The following DCAF6 variants were observed in gnomAD, a reference collection of about 807,000 sequenced individuals.
DCAF6 encodes the protein DDB1 and CUL4 associated factor 6.
Under a neutral mutation model 125.1 loss-of-function variants are expected in DCAF6, and 54 were observed. The ratio of observed to expected loss-of-function variants is 0.43; its 90% confidence interval spans 0.35 to 0.54. DCAF6 has a LOEUF of 0.54. Among genes scored for constraint, DCAF6 ranks in the 20% least tolerant of loss-of-function variants. DCAF6 has a pLI of 0.01. For synonymous variants in DCAF6, 371 were observed against 390.4 expected (o/e 0.95, Z 0.58); for missense variants, 934 against 1,161.7 (o/e 0.80, Z 2.85).
At chr1:167,884,769 C>T in the DCAF6 span, among the ~76,000 whole-genome samples, 65 of 149,474 alleles carry the variant, frequency 4.3e-4, no homozygotes, top group South Asian at 1.3e-3. Flanking sequence ...GCGATCTCGG[C>T]TCACTGCAAC....
At chr1:168,032,262 A>G (rs1307094461) in intron 12 of DCAF6, among the ~76,000 whole-genome samples, 1 of 152,246 alleles carries the variant, frequency 6.6e-6, no homozygotes, top group Admixed American at 6.5e-5. Flanking sequence ...GTAAGCACTC[A>G]ATTTTTAGAA....
the DCAF6 span, among the ~76,000 whole-genome samples, chr1:167,890,912 C>T: frequency 6.6e-6 from 1 of 152,140 alleles, no homozygotes; most frequent in Non-Finnish European, 1.5e-5. Context: ...ACACAATAAA[C>T]TAGAATCCAA....
chr1:167,905,110 A>G, the DCAF6 span: 11 of 1,614,250 alleles, frequency 6.8e-6, no homozygotes, highest in East Asian at 6.7e-5. Context: ...ACTATGGGCC[A>G]GTCCTGGAAT....
the DCAF6 span, chr1:167,880,011 G>A: frequency 2.1e-6 from 2 of 946,522 alleles, no homozygotes; most frequent in Non-Finnish European, 3.4e-6. Flanking sequence ...GTTTCTGAGG[G>A]CAGGGCTCAT....
chr1:167,901,159 CTATAT>C, the DCAF6 span, among the ~76,000 whole-genome samples: 2 of 152,150 alleles, frequency 1.3e-5, no homozygotes, highest in African/African-American at 4.8e-5. Context: ...GTGACTATTA[CTATAT>C]TATATGTATA....
intron 1 of DCAF6, among the ~76,000 whole-genome samples, chr1:167,943,927 C>T (rs574440356): frequency 6.6e-6 from 1 of 151,006 alleles, no homozygotes; most frequent in East Asian, 2.0e-4. Context: ...CAAGTTCCGC[C>T]TCCGAGGTTC....
At chr1:167,920,429 T>C in the DCAF6 span, 1 of 1,038,804 alleles carries the variant, frequency 9.6e-7, no homozygotes, top group Non-Finnish European at 1.4e-6. Flanking sequence ...CATAATACTG[T>C]TAATTCCTTT....
chr1:167,937,577 A>G (rs1458645257), intron 1 of DCAF6, among the ~76,000 whole-genome samples: 9 of 150,936 alleles, frequency 6.0e-5, no homozygotes, highest in Non-Finnish European at 1.3e-4. Flanking sequence ...TCCCAGTTCC[A>G]CTCTGCTCTT....
chr1:168,030,153 T>C (rs1686879631), intron 12 of DCAF6, among the ~76,000 whole-genome samples: 1 of 151,992 alleles, frequency 6.6e-6, no homozygotes, highest in South Asian at 2.1e-4. Context: ...ATGAGTGTTA[T>C]ATAAGAAAGG....
chr1:168,033,347 C>T (rs1051970593), intron 12 of DCAF6, among the ~76,000 whole-genome samples: 7 of 130,186 alleles, frequency 5.4e-5, no homozygotes, highest in East Asian at 2.2e-4. Flanking sequence ...CTCGCTCTGT[C>T]GCCCAGGCCG....
the DCAF6 span, among the ~76,000 whole-genome samples, chr1:167,874,940 A>G: frequency 4.6e-5 from 7 of 152,224 alleles, no homozygotes; most frequent in Admixed American, 2.6e-4. Context: ...AGGGTGTTAG[A>G]AGACTTTGGG....
chr1:167,971,943 C>T (rs1483764579), intron 3 of DCAF6, among the ~76,000 whole-genome samples: 2 of 152,160 alleles, frequency 1.3e-5, no homozygotes, highest in Non-Finnish European at 2.9e-5. Flanking sequence ...GCAACCTCCA[C>T]CTCCCGGGTT....
intron 17 of DCAF6, among the ~76,000 whole-genome samples, chr1:168,053,093 C>G (rs1207369162): frequency 6.6e-6 from 1 of 152,128 alleles, no homozygotes; most frequent in African/African-American, 2.4e-5. Context: ...ACAGAAAAGA[C>G]CTCCTATCAC....
chr1:167,937,097 G>T, intron 1 of DCAF6, 89 bp downstream of exon 1: 1 of 1,184,668 alleles, frequency 8.4e-7, no homozygotes. Context: ...AGGTGGGACG[G>T]CGTCTCGGTG....
At chr1:167,921,476 C>T in the DCAF6 span, among the ~76,000 whole-genome samples, 1 of 152,302 alleles carries the variant, frequency 6.6e-6, no homozygotes, top group East Asian at 1.9e-4. Context: ...CCCGCCTCAA[C>T]CTCCCAAAGT....
intron 4 of DCAF6, among the ~76,000 whole-genome samples, chr1:167,977,321 G>T: frequency 7.0e-6 from 1 of 141,872 alleles, no homozygotes. Flanking sequence ...TGTGAAAAAT[G>T]TCTTTTTTTT....
chr1:167,989,029 G>A (rs1326391210), intron 5 of DCAF6, among the ~76,000 whole-genome samples: 1 of 151,618 alleles, frequency 6.6e-6, no homozygotes, highest in African/African-American at 2.4e-5. Flanking sequence ...GCAGTGAGCC[G>A]AGATCACACC....
intron 5 of DCAF6, among the ~76,000 whole-genome samples, chr1:167,988,203 C>T (rs1680291384): frequency 6.6e-6 from 1 of 152,148 alleles, no homozygotes; most frequent in African/African-American, 2.4e-5. Flanking sequence ...TGTGTCATCT[C>T]AGGCCGGAGT....
At chr1:168,034,230 C>A (rs941600549) in intron 12 of DCAF6, among the ~76,000 whole-genome samples, 6 of 152,078 alleles carry the variant, frequency 3.9e-5, no homozygotes, top group African/African-American at 1.4e-4. Context: ...TAAAAAGAAA[C>A]CTCAGCGGGC....
Sources: allele counts gnomAD v4.1 joint callset (sites outside exome capture counted in the v4.1 genomes callset), GRCh38; gene constraint gnomAD v4.1.1; transcripts MANE v1.5; gene names NCBI Gene and HGNC (gene_info 2026-07-23, HGNC 2026-07-21).